PREX2: variants seen among roughly 807,000 people sequenced by gnomAD.
PREX2 encodes the protein phosphatidylinositol 3,4,5-trisphosphate-dependent Rac exchanger 2 protein.
In PREX2, 107 loss-of-function variants were observed where a neutral mutation model predicts 203.2. That is an observed-to-expected ratio of 0.53 (90% CI 0.45 to 0.62). PREX2 has a LOEUF of 0.62. PREX2 is among the 20% of genes least tolerant of loss of function. The pLI is 0.00. For synonymous variants in PREX2, 672 were observed against 663.6 expected (o/e 1.01, Z -0.19); for missense variants, 1,777 against 1,955.9 (o/e 0.91, Z 1.72).
intron 6 of PREX2, among the ~76,000 whole-genome samples, chr8:68,033,435 G>A (rs755910424): frequency 6.6e-6 from 1 of 151,814 alleles, no homozygotes; most frequent in South Asian, 2.1e-4. Context: ...AATTTCCCTC[G>A]TTTGTCTAAT....
chr8:68,108,841 A>T (rs1810473074), intron 24 of PREX2, among the ~76,000 whole-genome samples: 1 of 152,196 alleles, frequency 6.6e-6, no homozygotes, highest in Non-Finnish European at 1.5e-5. Context: ...TGGGGTATAT[A>T]AACACAATGG....
intron 25 of PREX2, among the ~76,000 whole-genome samples, chr8:68,114,043 G>C (rs764147449): frequency 1.4e-4 from 22 of 152,048 alleles, no homozygotes; most frequent in Non-Finnish European, 2.9e-4. Flanking sequence ...TGTATTTTTA[G>C]TAGAGACGGG....
At chr8:68,037,943 C>T (rs1808082054) in intron 6 of PREX2, among the ~76,000 whole-genome samples, 1 of 152,152 alleles carries the variant, frequency 6.6e-6, no homozygotes, top group South Asian at 2.1e-4. Context: ...GACACAGAAT[C>T]TCTTAACAGT....
chr8:68,157,217 A>G (rs1811558467), intron 34 of PREX2, 105 bp from the exon 35 acceptor site: 2 of 516,122 alleles, frequency 3.9e-6, no homozygotes, highest in African/African-American at 2.0e-5. Context: ...TATGTTGATA[A>G]TTGGTCCTAT....
chr8:68,179,900 G>C (rs1440263459), intron 35 of PREX2, among the ~76,000 whole-genome samples: 2 of 151,928 alleles, frequency 1.3e-5, no homozygotes, highest in African/African-American at 4.8e-5. Context: ...TCAACAATAA[G>C]AACAAGTGAA....
intron 13 of PREX2, 100 bp from the exon 14 acceptor site, chr8:68,072,395 G>A (rs957082888): frequency 1.4e-5 from 9 of 631,684 alleles, no homozygotes; most frequent in Non-Finnish European, 2.2e-5. Flanking sequence ...AAACTTCTCT[G>A]TTGCATATTG....
intron 7 of PREX2, 54 bp from the exon 8 acceptor site, chr8:68,044,433 C>A: frequency 8.1e-7 from 1 of 1,240,356 alleles, no homozygotes; most frequent in Non-Finnish European, 1.2e-6. Context: ...ATTGTTTTGA[C>A]ATTGTTTTAC....
At chr8:67,955,249 C>T (rs2129016531) in intron 1 of PREX2, among the ~76,000 whole-genome samples, 1 of 151,748 alleles carries the variant, frequency 6.6e-6, no homozygotes, top group South Asian at 2.1e-4. Context: ...AATTCCCACA[C>T]TTTGGCCTTT....
intron 14 of PREX2, among the ~76,000 whole-genome samples, chr8:68,076,704 C>T (rs1809359680): frequency 6.6e-6 from 1 of 150,904 alleles, no homozygotes; most frequent in Non-Finnish European, 1.5e-5. Context: ...CACACACACA[C>T]ACACACACAC....
chr8:68,047,482 T>TATATATATATATATATATATACACATAC (rs1808393782), intron 8 of PREX2, among the ~76,000 whole-genome samples: 5 of 95,010 alleles, frequency 5.3e-5, no homozygotes, highest in Non-Finnish European at 9.6e-5. Context: ...TATATATATA[T>TATATATATATATATATATATACACATAC]ATATATATAT....
intron 1 of PREX2, among the ~76,000 whole-genome samples, chr8:67,980,703 C>A (rs540254756): frequency 2.8e-4 from 43 of 152,308 alleles, no homozygotes; most frequent in African/African-American, 1.0e-3. Flanking sequence ...ATACTGTTCT[C>A]ATGATAGTGA....
At chr8:68,107,709 C>T (rs995675063) in intron 23 of PREX2, among the ~76,000 whole-genome samples, 3 of 152,078 alleles carry the variant, frequency 2.0e-5, no homozygotes, top group Non-Finnish European at 4.4e-5. Context: ...TGGCAGCTAC[C>T]CTGTTTTGCC....
At chr8:68,116,154 G>A (rs1015801295) in intron 26 of PREX2, among the ~76,000 whole-genome samples, 8 of 152,016 alleles carry the variant, frequency 5.3e-5, no homozygotes, top group African/African-American at 9.6e-5. Flanking sequence ...GCATTTTTTC[G>A]CTGGTTGTGT....
intron 35 of PREX2, among the ~76,000 whole-genome samples, chr8:68,157,713 A>G (rs1255234677): frequency 6.6e-6 from 1 of 152,070 alleles, no homozygotes. Context: ...ACCGTTTCCA[A>G]GAAAGAAAAT....
intron 35 of PREX2, among the ~76,000 whole-genome samples, chr8:68,182,793 A>G (rs1812110838): frequency 6.6e-6 from 1 of 151,950 alleles, no homozygotes; most frequent in African/African-American, 2.4e-5. Context: ...CTGAGAGTGC[A>G]TAATTTAGCA....
intron 8 of PREX2, among the ~76,000 whole-genome samples, chr8:68,047,609 A>G (rs1356701236): frequency 1.3e-5 from 2 of 150,194 alleles, no homozygotes; most frequent in East Asian, 3.9e-4. Flanking sequence ...TATCTTGCCT[A>G]GGCTGGACTT....
At chr8:68,059,696 A>G (rs1808786523) in intron 10 of PREX2, among the ~76,000 whole-genome samples, 1 of 152,176 alleles carries the variant, frequency 6.6e-6, no homozygotes, top group African/African-American at 2.4e-5. Context: ...CCCAAAATCA[A>G]GGTGCTGGCC....
intron 1 of PREX2, among the ~76,000 whole-genome samples, chr8:67,965,684 G>A (rs1014133801): frequency 3.9e-5 from 6 of 152,134 alleles, no homozygotes; most frequent in African/African-American, 1.4e-4. Flanking sequence ...TCTTGAGAGT[G>A]TTCTGTTTGC....
At chr8:67,982,649 T>C (rs1806306000) in intron 1 of PREX2, among the ~76,000 whole-genome samples, 1 of 152,230 alleles carries the variant, frequency 6.6e-6, no homozygotes, top group African/African-American at 2.4e-5. Context: ...TGCTGATCAC[T>C]TGCATAGATG....
Sources: allele counts gnomAD v4.1 joint callset (sites outside exome capture counted in the v4.1 genomes callset), GRCh38; gene constraint gnomAD v4.1.1; transcripts MANE v1.5; gene names NCBI Gene and HGNC (gene_info 2026-07-23, HGNC 2026-07-21).